MR1: variants seen among roughly 807,000 people sequenced by gnomAD.
The protein encoded by MR1 is major histocompatibility complex class I-related protein 1.
Under a neutral mutation model 37.8 loss-of-function variants are expected in MR1, and 44 were observed. The observed-to-expected ratio is 1.16, with a 90% confidence interval of 0.91 to 1.50. The LOEUF (loss-of-function observed/expected upper bound fraction) is 1.50, where lower values mean the gene tolerates loss of function less well. MR1 is among the 40% of genes most tolerant of loss of function. The pLI is 0.00. For synonymous variants in MR1, 153 were observed against 155.8 expected (o/e 0.98, Z 0.13); for missense variants, 386 against 419.1 (o/e 0.92, Z 0.69).
chr1:181,033,921 A>C, upstream of MR1: 2 of 1,101,316 alleles, frequency 1.8e-6, no homozygotes, highest in African/African-American at 1.6e-5. Flanking sequence ...CCCTGTTCTT[A>C]TTGGGAGAAG....
At chr1:181,043,995 A>C in intron 1 of MR1, among the ~76,000 whole-genome samples, 3 of 113,964 alleles carry the variant, frequency 2.6e-5, no homozygotes, top group Admixed American at 1.3e-4. Context: ...ACAGAGTCTC[A>C]CTCTGTCGCC....
rs1304517751 is a variant in MR1, at chr1:181,056,441, A to G, written c.*1176A>G. On this transcript the variant is annotated 3_prime_UTR_variant, in exon 6 of 6. Transcript: ENST00000367580. ...GGTGTCAGGAGAGGGCTCAATTCTC[A>G]TTTCTGCCTTTCCTGTGCTGGCTCA... 1.3e-5 allele frequency: 2 copies of G among 151,894 alleles called. No homozygotes were observed. The highest frequency in any genetic ancestry group is 4.8e-5 in the African/African-American group (2 of 41,350). 9.4% of individuals were successfully genotyped at this position (151,894 alleles called of 1,614,324 possible).
At chr1:181,043,961 C>CTTTT (rs11347634) in intron 1 of MR1, among the ~76,000 whole-genome samples, 6 of 98,180 alleles carry the variant, frequency 6.1e-5, no homozygotes, top group African/African-American at 7.7e-5. Context: ...TTTGTCTGAT[C>CTTTT]TTTTTTTTTT....
chr1:181,049,725 G>T, intron 2 of MR1: 1 of 503,036 alleles, frequency 2.0e-6, no homozygotes. Context: ...CTCCTCCACT[G>T]CAGTCAGAAT....
intron 2 of MR1, chr1:181,049,584 T>C (rs1485474193): frequency 1.8e-6 from 1 of 542,624 alleles, no homozygotes; most frequent in Non-Finnish European, 3.3e-6. Flanking sequence ...AGGCTTCTGA[T>C]ATGCATCTCC....
chr1:181,061,801 T>C lies in MR1; in HGVS notation c.*6536T>C, dbSNP rs1209635153. ...CAGTGTCATCTTACAGCTGAAGTCA[T>C]AGAGGGGAAATATCCCACTCAAGAT... is the stretch of plus-strand genomic sequence containing the variant. On this transcript the variant is annotated 3_prime_UTR_variant, in exon 6 of 6. Transcript: ENST00000367580. 6.6e-6 allele frequency: 1 copy of C among 152,208 alleles called. No homozygotes were observed. The highest frequency in any genetic ancestry group is 1.5e-5 in the Non-Finnish European group (1 of 68,030). The allele number at this position is 152,208 out of a possible 1,614,324, so 9.4% of individuals were successfully genotyped here.
chr1:181,048,088 A>G (rs1658012811), intron 1 of MR1, among the ~76,000 whole-genome samples: 1 of 149,868 alleles, frequency 6.7e-6, no homozygotes, highest in South Asian at 2.1e-4. Flanking sequence ...CGTGGTGACC[A>G]GTGCCTGTTA....
chr1:181,049,306 C>G lies in MR1; in HGVS notation c.322C>G (p.His108Asp), dbSNP rs1293616558. ...ELKRLQRHYN[H>D]SGSHTYQRMI... ...GAAGCGCCTACAGAGGCACTACAATCACTCAGGTGTGCATGCGGCAGAGAC... is the reference window on the plus strand; with the variant it reads ...GAAGCGCCTACAGAGGCACTACAATGACTCAGGTGTGCATGCGGCAGAGAC... Residue 108 changes from histidine (H) to aspartate (D), a missense_variant, in exon 2 of 6, where the codon CAC becomes GAC. Transcript: ENST00000367580. The G allele has an allele frequency of 6.2e-7, 1 of 1,613,238 alleles. No homozygotes were observed. The highest frequency in any genetic ancestry group is 1.7e-5 in the Admixed American group (1 of 59,948).
chr1:181,046,400 T>C (rs1657869838), intron 1 of MR1, among the ~76,000 whole-genome samples: 1 of 152,188 alleles, frequency 6.6e-6, no homozygotes, highest in Admixed American at 6.5e-5. Flanking sequence ...ATCAGCACCC[T>C]GTGTCTAGCT....
chr1:181,039,270 T>G (rs1657431173), intron 1 of MR1, among the ~76,000 whole-genome samples: 2 of 152,248 alleles, frequency 1.3e-5, no homozygotes, highest in South Asian at 2.1e-4. Flanking sequence ...ATTAAGATGC[T>G]GCTGCCCTTT....
chr1:181,046,586 G>A (rs1558116201), intron 1 of MR1, among the ~76,000 whole-genome samples: 1 of 152,128 alleles, frequency 6.6e-6, no homozygotes, highest in Non-Finnish European at 1.5e-5. Context: ...AGACCACTGG[G>A]CTCTACCAAT....
At chr1:181,053,535 G>A in intron 4 of MR1, 38 bp from the exon 5 acceptor site, 2 of 1,478,092 alleles carry the variant, frequency 1.4e-6, no homozygotes, top group East Asian at 2.3e-5. Flanking sequence ...AGAAGGGAAA[G>A]GGGACTTGTG....
At chr1:181,038,141 G>T (rs1404825403) in intron 1 of MR1, among the ~76,000 whole-genome samples, 2 of 152,156 alleles carry the variant, frequency 1.3e-5, no homozygotes, top group Non-Finnish European at 1.5e-5. Flanking sequence ...TGTGCTTATT[G>T]GACATTCAGA....
rs1368375568 is a variant in MR1, at chr1:181,058,571, C to T, written c.*3306C>T. ...CTCCCATGATTTCCAAGTTGTGATC[C>T]TTTCCTTATTTCTGAGGAATGACTT... On this transcript the variant is annotated 3_prime_UTR_variant, in exon 6 of 6. Coordinates refer to ENST00000367580, the MANE Select transcript of MR1 (RefSeq NM_001385161.1). 1 of 152,206 alleles carries T rather than the reference C, an allele frequency of 6.6e-6. No individual in the cohort carries two copies. Among genetic ancestry groups the T allele is most frequent in the Non-Finnish European group, 1.5e-5 (1 of 68,056 alleles). 9.4% of individuals were successfully genotyped at this position (152,206 alleles called of 1,614,324 possible).
At chr1:181,049,614 C>A in intron 2 of MR1, 1 of 502,306 alleles carries the variant, frequency 2.0e-6, no homozygotes, top group Non-Finnish European at 3.6e-6. Context: ...CTAAATTTGC[C>A]CATTCTGCGT....
intron 1 of MR1, 150 bp from the exon 2 acceptor site, chr1:181,048,902 T>TCCTGGGTTC (rs200385475): frequency 1.0e-6 from 1 of 1,003,934 alleles, no homozygotes; most frequent in Non-Finnish European, 1.5e-6. Context: ...GTTCCTGGGT[T>TCCTGGGTTC]CTGTGGTTCT....
At chr1:181,041,779 T>C (rs1167899645) in intron 1 of MR1, among the ~76,000 whole-genome samples, 1 of 152,226 alleles carries the variant, frequency 6.6e-6, no homozygotes, top group Admixed American at 6.5e-5. Context: ...TTAAATAGTG[T>C]TGCCCATTCC....
chr1:181,036,630 A>G (rs759038581), intron 1 of MR1, among the ~76,000 whole-genome samples: 2 of 151,910 alleles, frequency 1.3e-5, no homozygotes, highest in East Asian at 1.9e-4. Flanking sequence ...GCTTTCATCA[A>G]CTCCACAGCC....
rs1270090608 is a variant in MR1, at chr1:181,061,886, G to C, written c.*6621G>C. 1 of 152,118 alleles carries C rather than the reference G, an allele frequency of 6.6e-6. No individual in the cohort carries two copies. The highest frequency in any genetic ancestry group is 6.5e-5 in the Admixed American group (1 of 15,278). The allele number at this position is 152,118 out of a possible 1,614,324, so 9.4% of individuals were successfully genotyped here. A position where few individuals can be genotyped will look rare whatever the true frequency, so the allele number is the denominator to read the frequency against. Reference sequence around the variant, plus strand: ...TGAGGACTGGTCTGAATTCTTCAAAGGTTTCAGCTGTATTAACATTCTCCA... The same window carrying C: ...TGAGGACTGGTCTGAATTCTTCAAACGTTTCAGCTGTATTAACATTCTCCA... On this transcript the variant is annotated 3_prime_UTR_variant, in exon 6 of 6. Transcript: ENST00000367580.
Sources: gnomAD v4.1 joint callset for allele counts (sites outside exome capture counted in the v4.1 genomes callset) on GRCh38, gnomAD v4.1.1 for gene constraint, MANE v1.5 for transcripts, NCBI Gene and HGNC (gene_info 2026-07-23, HGNC 2026-07-21) for gene names.